The following ZNF236 variants were observed in gnomAD, a reference collection of about 807,000 sequenced individuals.
ZNF236 encodes the protein zinc finger protein 236.
ZNF236 carries 50 observed loss-of-function variants against 191.2 expected under a neutral mutation model. The ratio of observed to expected loss-of-function variants is 0.26; its 90% confidence interval spans 0.21 to 0.33. The LOEUF (loss-of-function observed/expected upper bound fraction) is 0.33. Among genes scored for constraint, ZNF236 ranks in the 10% least tolerant of loss-of-function variants. The pLI, the probability that ZNF236 is intolerant of heterozygous loss-of-function variation, is 1.00. For missense variants in ZNF236, 1,754 were observed against 2,374.5 expected, an observed-to-expected ratio of 0.74 and a Z score of 5.43; for synonymous variants, 907 against 928.8, an observed-to-expected ratio of 0.98 and a Z score of 0.43.
intron 1 of ZNF236, chr18:76,834,951 C>T (rs113338676): frequency 0.033 from 5,622 of 172,436 alleles, 138 homozygotes; most frequent in African/African-American, 0.057. Flanking sequence ...ACGCCGCTTC[C>T]GGTTCTGTAC....
intron 26 of ZNF236, among the ~76,000 whole-genome samples, chr18:76,940,204 C>T (rs1968102758): frequency 6.8e-6 from 1 of 146,860 alleles, no homozygotes; most frequent in South Asian, 2.2e-4. Context: ...CCTAGCACTG[C>T]ATTTGGGAAC....
intron 1 of ZNF236, among the ~76,000 whole-genome samples, chr18:76,842,678 G>A (rs960245313): frequency 6.6e-6 from 1 of 151,896 alleles, no homozygotes; most frequent in African/African-American, 2.4e-5. Context: ...TTGAACCCGG[G>A]AGGCGGAGGT....
chr18:76,898,798 C>CT (rs1293007034), intron 10 of ZNF236, among the ~76,000 whole-genome samples: 1 of 152,108 alleles, frequency 6.6e-6, no homozygotes, highest in African/African-American at 2.4e-5. Context: ...ACTAAATGTT[C>CT]TTTTTTTACT....
intron 4 of ZNF236, among the ~76,000 whole-genome samples, chr18:76,871,164 G>T (rs372254670): frequency 6.6e-6 from 1 of 152,202 alleles, no homozygotes; most frequent in South Asian, 2.1e-4. Context: ...GGGAGCTTTC[G>T]TGTCTTGACA....
At chr18:76,934,653 A>G (rs1213999422) in intron 25 of ZNF236, among the ~76,000 whole-genome samples, 2 of 152,184 alleles carry the variant, frequency 1.3e-5, no homozygotes, top group African/African-American at 4.8e-5. Context: ...ACAATTTAAC[A>G]TTTCCCATTC....
At position 76,927,659 on chromosome 18, in the gene ZNF236, T is replaced by C; in HGVS notation, c.4414+142T>C. ...TAAATCAAATGTCCTGAGAATAAAA[T>C]AAGCTTTTCTTACAATTAATGATAT... is the stretch of plus-strand genomic sequence containing the variant. On this transcript the variant is annotated intron_variant, in intron 24 of 30. Transcript: ENST00000320610. The surrounding 1 kb of genome is among the most constrained non-coding windows in gnomAD (Gnocchi z 5.4). 3 of 1,182,854 alleles carry C rather than the reference T, an allele frequency of 2.5e-6. No individual in the cohort carries two copies. In the South Asian group the frequency reaches 4.9e-5, roughly 19 times the overall value. 73.3% of individuals were successfully genotyped at this position (1,182,854 alleles called of 1,614,324 possible).
intron 1 of ZNF236, chr18:76,840,816 TTC>T (rs1262485601): frequency 6.7e-6 from 1 of 148,374 alleles, no homozygotes; most frequent in Non-Finnish European, 1.5e-5. Context: ...TGTGTTTTCT[TTC>T]TTTCTTTTTT....
intron 1 of ZNF236, among the ~76,000 whole-genome samples, chr18:76,827,208 G>A (rs1265297728): frequency 1.4e-5 from 2 of 148,060 alleles, no homozygotes; most frequent in South Asian, 2.2e-4. Flanking sequence ...TTGTTGAGAC[G>A]GAGTTTTGCC....
rs1968629007 is a variant in ZNF236, at chr18:76,960,186, T to C, written c.5242+370T>C. Among the ~76,000 whole-genome samples the C allele has an allele frequency of 6.6e-6, 1 of 152,306 alleles. No individual in the cohort carries two copies. Among genetic ancestry groups the C allele is most frequent in the South Asian group, 2.1e-4 (1 of 4,822 alleles). ...GGAACTTAATTTTTAATCTTCCTCT[T>C]CTGTCTTAAAACTTTTTTTCTCTGC... is the stretch of plus-strand genomic sequence containing the variant. On this transcript the variant is annotated intron_variant, in intron 29 of 30. Transcript: ENST00000320610. The surrounding 1 kb of genome is among the most constrained non-coding windows in gnomAD (Gnocchi z 4.4).
chr18:76,867,227 G>T (rs1401296387), intron 3 of ZNF236, among the ~76,000 whole-genome samples: 4 of 144,014 alleles, frequency 2.8e-5, no homozygotes, highest in Non-Finnish European at 4.5e-5. Context: ...GACTGCAGAG[G>T]TTTTTTTTTT....
At chr18:76,822,917 G>A (rs2067644891) in intron 1 of ZNF236, among the ~76,000 whole-genome samples, 2 of 148,204 alleles carry the variant, frequency 1.3e-5, no homozygotes, top group African/African-American at 4.9e-5. Flanking sequence ...GAGGCGGGAG[G>A]CGGGAGGCGG....
intron 2 of ZNF236, among the ~76,000 whole-genome samples, chr18:76,851,241 G>T (rs1975857343): frequency 6.7e-6 from 1 of 148,848 alleles, no homozygotes; most frequent in Non-Finnish European, 1.5e-5. Context: ...CCCATGTCAT[G>T]CAAACACATG....
intron 9 of ZNF236, among the ~76,000 whole-genome samples, chr18:76,889,037 A>G (rs1020875052): frequency 6.6e-6 from 1 of 152,180 alleles, no homozygotes; most frequent in Non-Finnish European, 1.5e-5. Flanking sequence ...TCTGTAATTT[A>G]GCCCTGCCTG....
At chr18:76,854,633 T>C (rs956931883) in intron 3 of ZNF236, among the ~76,000 whole-genome samples, 3 of 151,928 alleles carry the variant, frequency 2.0e-5, no homozygotes, top group Non-Finnish European at 4.4e-5. Context: ...TAAAATTTAA[T>C]AGTTTTCATC....
rs118111503 is a variant in ZNF236, at chr18:76,920,971, G to T, written c.3557+913G>T. Among the ~76,000 whole-genome samples the T allele has an allele frequency of 5.2e-3, 792 of 152,330 alleles. 2 individuals carry two copies. The highest frequency in any genetic ancestry group is 8.1e-3 in the Non-Finnish European group (554 of 68,016). ...TATATAACAGGGATGCTTATGTTTT[G>T]CTCTAGGAGATAGAACTAATTATTC... On this transcript the variant is annotated intron_variant, in intron 20 of 30. Transcript: ENST00000320610.
At chr18:76,913,608 C>T (rs1448189773) in intron 17 of ZNF236, 139 bp from the exon 18 acceptor site, 1 of 832,730 alleles carries the variant, frequency 1.2e-6, no homozygotes, top group Admixed American at 2.8e-5. Flanking sequence ...GGAGAGCACA[C>T]CTAGGTTCTA....
intron 9 of ZNF236, among the ~76,000 whole-genome samples, chr18:76,894,734 T>C (rs1977349794): frequency 1.3e-5 from 2 of 152,162 alleles, no homozygotes; most frequent in African/African-American, 4.8e-5. Context: ...TTGTTCTCAT[T>C]GAGAGGGAGC....
intron 9 of ZNF236, chr18:76,885,878 G>A (rs1335443622): frequency 6.6e-6 from 1 of 152,232 alleles, no homozygotes; most frequent in Non-Finnish European, 1.5e-5. Flanking sequence ...GAGGGCTGAT[G>A]AGAATATCTG....
At chr18:76,909,169 G>A (rs1967146710) in intron 14 of ZNF236, among the ~76,000 whole-genome samples, 1 of 151,988 alleles carries the variant, frequency 6.6e-6, no homozygotes, top group Non-Finnish European at 1.5e-5. Context: ...ACGAAACTTA[G>A]CTGGGTGTGG....
Sources: allele counts gnomAD v4.1 joint callset (sites outside exome capture counted in the v4.1 genomes callset), GRCh38; gene constraint gnomAD v4.1.1; non-coding constraint Gnocchi (gnomAD v3.1); transcripts MANE v1.5; gene names NCBI Gene and HGNC (gene_info 2026-07-23, HGNC 2026-07-21).